Variants in SCN9A observed in about 807,000 individuals in gnomAD.
SCN9A encodes sodium channel protein type 9 subunit alpha.
Under a neutral mutation model 187.0 loss-of-function variants are expected in SCN9A, and 131 were observed. The ratio of observed to expected loss-of-function variants is 0.70; its 90% CI spans 0.61 to 0.81. SCN9A has a LOEUF of 0.81. SCN9A is among the 30% of genes least tolerant of loss of function. SCN9A has a pLI of 0.00. For synonymous variants in SCN9A, 809 were observed against 808.6 expected (o/e 1.00, Z -0.01); for missense variants, 2,252 against 2,396.6 (o/e 0.94, Z 1.26).
rs199832245 is a variant in SCN9A, at chr2:166,375,722, C to T, written c.-76G>A. On this transcript the variant is annotated 5_prime_UTR_variant, in exon 1 of 27. Transcript: ENST00000642356. ...TTGCAACCTAGCCCGCCGATCATCC[C>T]CACCCAGTGCACCTGCAGAATCTGG... The T allele has an allele frequency of 6.6e-6, 1 of 152,394 alleles. No individual in the cohort carries two copies. Among genetic ancestry groups the T allele is most frequent in the Non-Finnish European group, 1.5e-5 (1 of 68,176 alleles). 9.4% of individuals were successfully genotyped at this position (152,394 alleles called of 1,614,324 possible). A position where few individuals can be genotyped will look rare whatever the true frequency, so the allele number is the denominator to read the frequency against.
Position 166,357,497 on chromosome 2 carries a change from C to A in SCN9A, c.-51+18200G>T, listed in dbSNP as rs149297295. On this transcript the variant is annotated intron_variant, in intron 1 of 26. Coordinates refer to ENST00000642356, the MANE Select transcript of SCN9A (RefSeq NM_001365536.1). ...AGGACTTCAAGAAGACCTCAGGCAT[C>A]ATTATAATCTCATTTTCATGCTAAA... Among the ~76,000 whole-genome samples, 540 of 152,204 alleles carry A rather than the reference C, an allele frequency of 3.5e-3. 5 individuals carry two copies. Among genetic ancestry groups the A allele is most frequent in the African/African-American group, 0.012 (516 of 41,528 alleles).
At chr2:166,319,245 T>C (rs1187750830) in intron 1 of SCN9A, among the ~76,000 whole-genome samples, 2 of 151,924 alleles carry the variant, frequency 1.3e-5, no homozygotes, top group Non-Finnish European at 2.9e-5. Flanking sequence ...GACAACCTAT[T>C]ATCAAGTGTG....
chr2:166,286,674 GAAAC>G, intron 10 of SCN9A, 51 bp from the exon 11 acceptor site: 4 of 1,419,716 alleles, frequency 2.8e-6, no homozygotes, highest in Non-Finnish European at 3.7e-6. Context: ...CAAATCCTAG[GAAAC>G]CCTAGGACAG....
chr2:166,309,851 C>T (rs1421086978), intron 2 of SCN9A, among the ~76,000 whole-genome samples: 3 of 149,808 alleles, frequency 2.0e-5, no homozygotes, highest in African/African-American at 5.0e-5. Context: ...CTTCAAACTA[C>T]ACTACAAGGC....
chr2:166,305,747 G>C (rs1407746051), intron 5 of SCN9A, 45 bp downstream of exon 5: 2 of 1,612,316 alleles, frequency 1.2e-6, no homozygotes, highest in Non-Finnish European at 1.7e-6. Context: ...TGTGCTGCCT[G>C]AGATTTTCAT....
chr2:166,243,798 C>T (rs760363432), intron 18 of SCN9A, among the ~76,000 whole-genome samples: 5 of 151,930 alleles, frequency 3.3e-5, no homozygotes, highest in African/African-American at 7.2e-5. Flanking sequence ...GAACGAGATA[C>T]GCAAATTGCA....
rs1574692435 is a variant in SCN9A at position 166,199,367 on chromosome 2, C to T, written c.5272G>A (p.Val1758Ile). 3 of 1,614,164 alleles carry T rather than the reference C, an allele frequency of 1.9e-6. No homozygotes were observed. The highest frequency in any genetic ancestry group is 1.7e-6 in the Non-Finnish European group (2 of 1,180,036). ...GCAACACTAAAATTCTCCAGTATGACTGCAATGTACATGTTCACCACAACC... is the reference window on the plus strand; with the variant it reads ...GCAACACTAAAATTCTCCAGTATGATTGCAATGTACATGTTCACCACAACC... ...FLVVVNMYIA[V>I]ILENFSVATE... Residue 1758 changes from valine (V) to isoleucine (I), a missense_variant, in exon 27 of 27, where the codon GTC becomes ATC. By Grantham distance (29) the Val-to-Ile change is conservative. Around this residue, in one of 7 missense-constraint regions of SCN9A, gnomAD observed 345 missense variants for 344.6 expected, o/e 1.00. Coordinates refer to ENST00000642356, the MANE Select transcript of SCN9A (RefSeq NM_001365536.1).
chr2:166,360,283 A>G (rs571879284), intron 1 of SCN9A, among the ~76,000 whole-genome samples: 10 of 151,262 alleles, frequency 6.6e-5, no homozygotes, highest in Admixed American at 5.9e-4. Flanking sequence ...GAAGTGTATT[A>G]CCCTGGGAAA....
intron 24 of SCN9A, among the ~76,000 whole-genome samples, chr2:166,212,248 T>G (rs1277498755): frequency 6.6e-6 from 1 of 152,174 alleles, no homozygotes; most frequent in African/African-American, 2.4e-5. Context: ...ACCCTCTGTA[T>G]CTGTGGATTT....
At chr2:166,367,243 TA>T (rs1159651835) in intron 1 of SCN9A, among the ~76,000 whole-genome samples, 5 of 152,210 alleles carry the variant, frequency 3.3e-5, no homozygotes, top group Non-Finnish European at 7.4e-5. Context: ...CATTTCAGAA[TA>T]AACTTCATCC....
chr2:166,361,555 A>G (rs939515058), intron 1 of SCN9A, among the ~76,000 whole-genome samples: 6 of 152,144 alleles, frequency 3.9e-5, no homozygotes, highest in Non-Finnish European at 8.8e-5. Flanking sequence ...TAAATCCATC[A>G]GGTTTGATAA....
At chr2:166,246,014 A>G (rs10930213) in intron 18 of SCN9A, among the ~76,000 whole-genome samples, 120,748 of 151,820 alleles carry the variant, frequency 0.8, 48,607 homozygotes, top group Non-Finnish European at 0.85. Flanking sequence ...AAATACAGCA[A>G]ACAAGGTGTT....
intron 1 of SCN9A, among the ~76,000 whole-genome samples, chr2:166,373,147 G>A (rs569919976): frequency 2.6e-5 from 4 of 152,260 alleles, no homozygotes; most frequent in East Asian, 3.9e-4. Context: ...TTTTAGCCAC[G>A]ACCTGGGCAG....
Position 166,356,747 on chromosome 2 carries a change from C to T in SCN9A, c.-51+18950G>A, listed in dbSNP as rs376746720. Among the ~76,000 whole-genome samples the T allele has an allele frequency of 3.7e-4, 56 of 152,170 alleles. No individual in the cohort carries two copies. The South Asian group carries it at 5.6e-3, about 15-fold the overall frequency. ...ATAAACATTGTTTCATACCTTCCTTCGTCACTTAAAAATCAGACTTGGAAA... is the reference window on the plus strand; with the variant it reads ...ATAAACATTGTTTCATACCTTCCTTTGTCACTTAAAAATCAGACTTGGAAA... On this transcript the variant is annotated intron_variant, in intron 1 of 26. Transcript: ENST00000642356.
intron 26 of SCN9A, among the ~76,000 whole-genome samples, chr2:166,202,534 C>A (rs1348519682): frequency 6.6e-6 from 1 of 151,636 alleles, no homozygotes; most frequent in African/African-American, 2.4e-5. Context: ...CTATTTATTA[C>A]CCACACTACA....
rs61695228 is a variant in SCN9A, at chr2:166,262,482, A to T, written c.3351+9917T>A. 5.9e-3 allele frequency among the ~76,000 whole-genome samples: 891 copies of T among 152,120 alleles called. 10 individuals are homozygous for T. Among genetic ancestry groups the T allele is most frequent in the African/African-American group, 0.02 (850 of 41,568 alleles). On this transcript the variant is annotated intron_variant, in intron 17 of 26. Transcript: ENST00000642356. The stretch of plus-strand genomic sequence containing the variant: ...ACTATAACCTAATCAGTCAGCATTA[A>T]GGTGGATTAGAAGCACAATATCAGA...
chr2:166,201,369 G>A lies in SCN9A; in HGVS notation c.4775-1505C>T, dbSNP rs59492264. On this transcript the variant is annotated intron_variant, in intron 26 of 26. Coordinates refer to ENST00000642356, the MANE Select transcript of SCN9A (RefSeq NM_001365536.1). The stretch of plus-strand genomic sequence containing the variant: ...TATGTATATATAGCATATAGTATGC[G>A]TATACTCTATATAGCATATAGTATG... Among the ~76,000 whole-genome samples, 22 of 146,388 alleles carry A rather than the reference G, an allele frequency of 1.5e-4. 1 individual carries two copies. The highest frequency in any genetic ancestry group is 6.9e-4 in the Admixed American group (10 of 14,538).
chr2:166,335,124 G>T (rs894073717), intron 1 of SCN9A, among the ~76,000 whole-genome samples: 1 of 152,024 alleles, frequency 6.6e-6, no homozygotes, highest in African/African-American at 2.4e-5. Context: ...AAACTTACTT[G>T]CATTTTGACA....
intron 23 of SCN9A, among the ~76,000 whole-genome samples, chr2:166,227,080 A>C (rs1233808674): frequency 1.3e-5 from 2 of 152,056 alleles, no homozygotes; most frequent in African/African-American, 4.8e-5. Context: ...ACATTTTGCC[A>C]TGTATTTTCT....
Sources: gnomAD v4.1 joint callset for allele counts (sites outside exome capture counted in the v4.1 genomes callset) on GRCh38, gnomAD v4.1.1 for gene constraint, gnomAD v4.1.1 regional missense constraint, MANE v1.5 for transcripts, NCBI Gene and HGNC (gene_info 2026-07-23, HGNC 2026-07-21) for gene names.